The following ROBO2 variants were observed in gnomAD, a reference collection of about 807,000 sequenced individuals.
ROBO2 encodes the protein roundabout homolog 2.
ROBO2 carries 53 observed loss-of-function variants against 160.8 expected under a neutral mutation model. The observed-to-expected ratio is 0.33, with a 90% confidence interval of 0.26 to 0.41. The LOEUF (loss-of-function observed/expected upper bound fraction) is 0.41. Among genes scored for constraint, ROBO2 ranks in the 10% least tolerant of loss-of-function variants. The pLI is 1.00. For missense variants in ROBO2, 1,577 were observed against 1,722.4 expected, an observed-to-expected ratio of 0.92 and a Z score of 1.49; for synonymous variants, 664 against 611.7, an observed-to-expected ratio of 1.09 and a Z score of -1.26.
intron 2 of ROBO2, among the ~76,000 whole-genome samples, chr3:76,822,236 C>G (rs2066183788): frequency 6.6e-6 from 1 of 151,920 alleles, no homozygotes; most frequent in African/African-American, 2.4e-5. Context: ...ACTGTAAGAT[C>G]CATGAAGGCA....
intron 2 of ROBO2, among the ~76,000 whole-genome samples, chr3:77,014,813 T>C (rs1578259323): frequency 1.3e-5 from 2 of 152,228 alleles, no homozygotes; most frequent in Non-Finnish European, 2.9e-5. Flanking sequence ...CCAGCTTACA[T>C]GAACAAGCAG....
chr3:76,906,896 T>C (rs2075642356), intron 2 of ROBO2, among the ~76,000 whole-genome samples: 1 of 152,346 alleles, frequency 6.6e-6, no homozygotes, highest in Non-Finnish European at 1.5e-5. Context: ...TCATATTTGG[T>C]TAAGATCCAT....
intron 6 of ROBO2, among the ~76,000 whole-genome samples, chr3:77,539,380 T>C (rs2092348057): frequency 2.0e-5 from 3 of 152,162 alleles, no homozygotes; most frequent in Admixed American, 2.0e-4. Context: ...TCAGAATCGG[T>C]TAGATTTGTA....
At chr3:77,053,273 G>T (rs1292009970) in intron 1 of ROBO2, among the ~76,000 whole-genome samples, 2 of 152,130 alleles carry the variant, frequency 1.3e-5, no homozygotes, top group African/African-American at 4.8e-5. Flanking sequence ...TATTTAGACA[G>T]TAAATTAAGC....
At chr3:76,906,345 G>A (rs909997139) in intron 2 of ROBO2, among the ~76,000 whole-genome samples, 1 of 151,788 alleles carries the variant, frequency 6.6e-6, no homozygotes, top group Non-Finnish European at 1.5e-5. Context: ...TGTTGGACAT[G>A]TTACATACAT....
chr3:77,424,408 C>T (rs1182046976), intron 2 of ROBO2, among the ~76,000 whole-genome samples: 1 of 152,078 alleles, frequency 6.6e-6, no homozygotes, highest in Non-Finnish European at 1.5e-5. Flanking sequence ...TATGCTTTTA[C>T]CCAGGGGATA....
At chr3:77,563,355 A>G in intron 11 of ROBO2, 26 bp downstream of exon 12, 2 of 1,611,458 alleles carry the variant, frequency 1.2e-6, no homozygotes, top group Non-Finnish European at 1.7e-6. Context: ...TTCTTTCTCC[A>G]CTGGGTTTTG....
chr3:76,502,998 A>ATGTGTGTGTG lies in ROBO2; in HGVS notation c.109+565397_109+565398insGTGTGTGTGT, dbSNP rs1268241725. 3.2e-5 allele frequency among the ~76,000 whole-genome samples: 4 copies of ATGTGTGTGTG among 125,744 alleles called. No homozygotes were observed. In the East Asian group the frequency reaches 8.9e-4, roughly 28 times the overall value. 82.5% of individuals were successfully genotyped at this position (125,744 alleles called of 152,430 possible). On this transcript the variant is annotated intron_variant, in intron 2 of 26. Coordinates refer to the ROBO2 transcript ENST00000487694. ...GACAGAACTAACAGGATATATATAT[A>ATGTGTGTGTG]TATGTGTGTGTGTGTGTGTGTGCGC...
intron 2 of ROBO2, among the ~76,000 whole-genome samples, chr3:76,860,590 T>TA (rs1476841976): frequency 4.6e-5 from 7 of 152,198 alleles, no homozygotes; most frequent in African/African-American, 7.2e-5. Context: ...TAAGGACATT[T>TA]ACCATCCTCT....
At chr3:77,351,841 G>A (rs958520842) in intron 2 of ROBO2, among the ~76,000 whole-genome samples, 1 of 150,540 alleles carries the variant, frequency 6.6e-6, no homozygotes, top group Non-Finnish European at 1.5e-5. Flanking sequence ...TTGTCCTTGC[G>A]ATAGGACAAA....
Position 77,239,574 on chromosome 3 carries a change from C to T in ROBO2, c.388+141234C>T, listed in dbSNP as rs533045201. On this transcript the variant is annotated intron_variant, in intron 2 of 25. Transcript: ENST00000461745. ...TTCCCTTATCTGACCCCACCCACAT[C>T]TTGCTGACTGGCCCATTTTACAGAG... is the stretch of plus-strand genomic sequence containing the variant. Among the ~76,000 whole-genome samples the T allele has an allele frequency of 7.9e-5, 12 of 152,346 alleles. No homozygotes were observed. The East Asian group carries it at 9.7e-4, about 12-fold the overall frequency.
intron 2 of ROBO2, among the ~76,000 whole-genome samples, chr3:77,350,607 G>T (rs1056159139): frequency 6.6e-6 from 1 of 152,184 alleles, no homozygotes; most frequent in African/African-American, 2.4e-5. Context: ...CTTGTATAGA[G>T]TCTTAACAGA....
intron 2 of ROBO2, among the ~76,000 whole-genome samples, chr3:76,694,593 C>G (rs867793277): frequency 6.6e-6 from 1 of 151,800 alleles, no homozygotes; most frequent in Non-Finnish European, 1.5e-5. Context: ...TTGTTTAAGT[C>G]GGGCACTTCA....
chr3:77,631,345 C>G (rs967631452), intron 23 of ROBO2: 4 of 152,136 alleles, frequency 2.6e-5, no homozygotes, highest in African/African-American at 9.7e-5. Flanking sequence ...ACACTCCTAA[C>G]TATTCTGTTG....
intron 2 of ROBO2, among the ~76,000 whole-genome samples, chr3:76,051,921 A>G (rs2067666468): frequency 6.6e-6 from 1 of 152,066 alleles, no homozygotes; most frequent in Admixed American, 6.5e-5. Context: ...AGAAATCTCC[A>G]TAATTGAATG....
intron 2 of ROBO2, among the ~76,000 whole-genome samples, chr3:77,331,492 T>A (rs567694044): frequency 2.6e-5 from 4 of 152,300 alleles, no homozygotes; most frequent in African/African-American, 9.6e-5. Flanking sequence ...TTATCAGTAA[T>A]CAAATTTCTA....
At chr3:76,565,270 G>T (rs1279773967) in intron 2 of ROBO2, among the ~76,000 whole-genome samples, 1 of 152,026 alleles carries the variant, frequency 6.6e-6, no homozygotes, top group Non-Finnish European at 1.5e-5. Context: ...CATTTAATTT[G>T]ATTTATTTAT....
intron 2 of ROBO2, among the ~76,000 whole-genome samples, chr3:76,648,393 TAAG>T (rs897495808): frequency 2.0e-4 from 30 of 152,056 alleles, no homozygotes; most frequent in Non-Finnish European, 4.0e-4. Context: ...ATTTTAAAGT[TAAG>T]AAGCCCAAAG....
At chr3:75,961,771 TGAG>T (rs1471896845) in intron 2 of ROBO2, among the ~76,000 whole-genome samples, 3 of 151,576 alleles carry the variant, frequency 2.0e-5, no homozygotes, top group Non-Finnish European at 3.0e-5. Context: ...TGAGAAAGAT[TGAG>T]GAGAAAGATA....
Sources: allele counts gnomAD v4.1 joint callset (sites outside exome capture counted in the v4.1 genomes callset), GRCh38; gene constraint gnomAD v4.1.1; transcripts MANE v1.5; gene names NCBI Gene and HGNC (gene_info 2026-07-23, HGNC 2026-07-21).